The following MBOAT1 variants were observed in gnomAD, a reference collection of about 807,000 sequenced individuals.
MBOAT1 encodes the protein membrane bound glycerophospholipid O-acyltransferase 1, also known as membrane-bound glycerophospholipid O-acyltransferase 1.
A neutral mutation model predicts 64.4 loss-of-function variants in MBOAT1; 67 were observed. The ratio of observed to expected loss-of-function variants is 1.04; its 90% confidence interval spans 0.85 to 1.27. The LOEUF is 1.27. Ranked by LOEUF, MBOAT1 falls within the 50% of genes most tolerant of loss-of-function variation. The pLI, the probability that MBOAT1 is intolerant of heterozygous loss-of-function variation, is 0.00. For missense variants in MBOAT1, 563 were observed against 604.6 expected (o/e 0.93, Z 0.72); for synonymous variants, 229 against 218.9 (o/e 1.05, Z -0.41).
chr6:20,162,223 T>C (rs1444208707), intron 1 of MBOAT1, among the ~76,000 whole-genome samples: 2 of 152,172 alleles, frequency 1.3e-5, no homozygotes, highest in Non-Finnish European at 2.9e-5. Context: ...GGGAACACAT[T>C]TGGCCCACAA....
At chr6:20,160,656 T>A (rs1227436025) in intron 1 of MBOAT1, among the ~76,000 whole-genome samples, 2 of 152,238 alleles carry the variant, frequency 1.3e-5, no homozygotes, top group Non-Finnish European at 2.9e-5. Flanking sequence ...CAATTCCTTA[T>A]TTAATGGCAG....
At position 20,140,329 on chromosome 6, in the gene MBOAT1, C is replaced by T. The variant is rs149984470; in HGVS notation, c.419+3891G>A. Among the ~76,000 whole-genome samples, 456 of 152,288 alleles carry T rather than the reference C, an allele frequency of 3.0e-3. 1 individual carries two copies. Among genetic ancestry groups the T allele is most frequent in the Non-Finnish European group, 5.5e-3 (373 of 68,024 alleles). On this transcript the variant is annotated intron_variant, in intron 4 of 12. Coordinates refer to ENST00000324607, the MANE Select transcript of MBOAT1 (RefSeq NM_001080480.3). The stretch of plus-strand genomic sequence containing the variant: ...TCCTTTCACATTCACATATAATCAG[C>T]TTACATGTAAGTTGTGATGGTCAAT...
chr6:20,202,541 A>C (rs2113772146), intron 1 of MBOAT1, among the ~76,000 whole-genome samples: 1 of 152,298 alleles, frequency 6.6e-6, no homozygotes, highest in East Asian at 1.9e-4. Context: ...AACCACTGGT[A>C]ACTTTAAAAA....
At chr6:20,199,606 T>C (rs1003137129) in intron 1 of MBOAT1, among the ~76,000 whole-genome samples, 4 of 152,250 alleles carry the variant, frequency 2.6e-5, no homozygotes, top group Admixed American at 6.5e-5. Flanking sequence ...TGTCCTTCCT[T>C]CCACAATTTA....
chr6:20,168,306 T>C (rs1208076250), intron 1 of MBOAT1, among the ~76,000 whole-genome samples: 1 of 152,032 alleles, frequency 6.6e-6, no homozygotes, highest in East Asian at 1.9e-4. Context: ...TATTAAAAAG[T>C]AACTCTGAAA....
At chr6:20,138,985 G>A (rs1041660771) in intron 4 of MBOAT1, among the ~76,000 whole-genome samples, 1 of 152,070 alleles carries the variant, frequency 6.6e-6, no homozygotes, top group East Asian at 1.9e-4. Flanking sequence ...CTCCAATGTC[G>A]GCCTCCATCT....
intron 1 of MBOAT1, among the ~76,000 whole-genome samples, chr6:20,178,761 G>T (rs9460465): frequency 0.14 from 22,041 of 152,060 alleles, 2,954 homozygotes; most frequent in African/African-American, 0.36. Context: ...AGCCACCAAC[G>T]AGCTCTGTGA....
intron 12 of MBOAT1, among the ~76,000 whole-genome samples, chr6:20,109,343 GC>G (rs1276217969): frequency 1.3e-5 from 2 of 152,138 alleles, no homozygotes; most frequent in Non-Finnish European, 2.9e-5. Flanking sequence ...AAAATATACT[GC>G]CATGAGGGGG....
chr6:20,133,502 C>T (rs1010315239), intron 4 of MBOAT1, among the ~76,000 whole-genome samples: 1 of 152,208 alleles, frequency 6.6e-6, no homozygotes, highest in Non-Finnish European at 1.5e-5. Flanking sequence ...AAGGTAGTTT[C>T]CAAACACGGC....
At chr6:20,121,260 G>A (rs1483195261) in intron 8 of MBOAT1, among the ~76,000 whole-genome samples, 2 of 152,158 alleles carry the variant, frequency 1.3e-5, no homozygotes, top group Non-Finnish European at 2.9e-5. Flanking sequence ...AAAGGGAGCT[G>A]GAGAAAACAA....
At chr6:20,149,971 G>A (rs183037185) in intron 3 of MBOAT1, among the ~76,000 whole-genome samples, 123 of 152,252 alleles carry the variant, frequency 8.1e-4, no homozygotes, top group Non-Finnish European at 1.6e-3. Context: ...TATTTATTGA[G>A]CTCTTACTTG....
chr6:20,189,500 A>C (rs917960343), intron 1 of MBOAT1, among the ~76,000 whole-genome samples: 1 of 152,142 alleles, frequency 6.6e-6, no homozygotes, highest in African/African-American at 2.4e-5. Context: ...TCCTGGGCCC[A>C]AGTGATCATC....
chr6:20,117,044 A>G (rs1760344930), intron 9 of MBOAT1, among the ~76,000 whole-genome samples: 1 of 152,232 alleles, frequency 6.6e-6, no homozygotes, highest in African/African-American at 2.4e-5. Context: ...TGTTTTTCCA[A>G]AACTGAGACA....
chr6:20,204,171 T>G (rs1339852893), intron 1 of MBOAT1, among the ~76,000 whole-genome samples: 1 of 152,184 alleles, frequency 6.6e-6, no homozygotes, highest in Non-Finnish European at 1.5e-5. Flanking sequence ...TCCCCTCTAA[T>G]TTCCCTCCTG....
In MBOAT1 at chr6:20,111,847, C is replaced by CGT. The variant is rs1350528907; in HGVS notation, c.1209+1028_1209+1029insAC. On this transcript the variant is annotated intron_variant, in intron 11 of 12. Transcript: ENST00000324607. ...ATACATATATATACACATATATATA[C>CGT]ATATATATATACATATATATACATA... Among the ~76,000 whole-genome samples, 491 of 75,880 alleles carry CGT rather than the reference C, an allele frequency of 6.5e-3. 17 individuals carry two copies. Among genetic ancestry groups the CGT allele is most frequent in the African/African-American group, 0.024 (467 of 19,750 alleles). The allele number at this position is 75,880 out of a possible 152,430, so 49.8% of individuals were successfully genotyped here. A position where few individuals can be genotyped will look rare whatever the true frequency, so the allele number is the denominator to read the frequency against.
intron 1 of MBOAT1, among the ~76,000 whole-genome samples, chr6:20,183,466 G>C (rs1281863288): frequency 6.6e-6 from 1 of 152,154 alleles, no homozygotes; most frequent in Non-Finnish European, 1.5e-5. Context: ...ATTATACTTT[G>C]AATTTGCCAG....
At chr6:20,187,417 G>A (rs1206837842) in intron 1 of MBOAT1, among the ~76,000 whole-genome samples, 1 of 152,234 alleles carries the variant, frequency 6.6e-6, no homozygotes. Flanking sequence ...CCCTCCACAT[G>A]CAACTAATGC....
chr6:20,195,696 T>G (rs1156304960), intron 1 of MBOAT1, among the ~76,000 whole-genome samples: 1 of 152,206 alleles, frequency 6.6e-6, no homozygotes, highest in Non-Finnish European at 1.5e-5. Context: ...TAACCATCTG[T>G]ATCTATATTA....
chr6:20,192,356 A>G (rs1172950613), intron 1 of MBOAT1, among the ~76,000 whole-genome samples: 2 of 152,034 alleles, frequency 1.3e-5, no homozygotes, highest in African/African-American at 4.8e-5. Flanking sequence ...TTATCCTCCA[A>G]GTTGAGTCTC....
Sources: gnomAD v4.1 joint callset for allele counts (sites outside exome capture counted in the v4.1 genomes callset) on GRCh38, gnomAD v4.1.1 for gene constraint, MANE v1.5 for transcripts, NCBI Gene and HGNC (gene_info 2026-07-23, HGNC 2026-07-21) for gene names.